EPM2A: variants seen among roughly 807,000 people sequenced by gnomAD.
EPM2A encodes the protein laforin.
Under a neutral mutation model 26.5 loss-of-function variants are expected in EPM2A, and 21 were observed. The observed-to-expected ratio is 0.79, with a 90% CI of 0.56 to 1.14. The LOEUF is 1.14. Ranked by LOEUF, EPM2A falls within the 50% of genes most tolerant of loss-of-function variation. The pLI is 0.00. For synonymous variants in EPM2A, 217 were observed against 177.6 expected (o/e 1.22, Z -1.76); for missense variants, 458 against 440.8 (o/e 1.04, Z -0.35).
chr6:145,712,017 A>G (rs1369443277), intron 1 of EPM2A, among the ~76,000 whole-genome samples: 1 of 152,184 alleles, frequency 6.6e-6, no homozygotes, highest in Admixed American at 6.6e-5. Context: ...AGCAACATGA[A>G]TTCTGCTTAA....
Position 145,582,156 on chromosome 6 carries a change from T to C in EPM2A, c.340+53089A>G, listed in dbSNP as rs144880343. On this transcript the variant is annotated intron_variant, in intron 2 of 3. Coordinates refer to the EPM2A transcript ENST00000450221. Reference sequence around the variant, plus strand: ...TTGTTGTATCCTTGTTTTCATTAGATTCAAATTTTTTTTTATTTCTGCCTT... The same window carrying C: ...TTGTTGTATCCTTGTTTTCATTAGACTCAAATTTTTTTTTATTTCTGCCTT... Among the ~76,000 whole-genome samples, 654 of 151,966 alleles carry C rather than the reference T, an allele frequency of 4.3e-3. 5 individuals are homozygous for C. Among genetic ancestry groups the C allele is most frequent in the African/African-American group, 0.014 (565 of 41,362 alleles).
intron 4 of EPM2A, among the ~76,000 whole-genome samples, chr6:145,496,574 C>T (rs1779822908): frequency 6.6e-6 from 1 of 152,112 alleles, no homozygotes; most frequent in African/African-American, 2.4e-5. Flanking sequence ...TTCAGAAAGA[C>T]AGTCTTCAGG....
intron 4 of EPM2A, among the ~76,000 whole-genome samples, chr6:145,435,583 T>C (rs1778978919): frequency 6.6e-6 from 1 of 151,856 alleles, no homozygotes; most frequent in Non-Finnish European, 1.5e-5. Flanking sequence ...TTTTTTTTAA[T>C]TTATTTTTTT....
intron 1 of EPM2A, among the ~76,000 whole-genome samples, chr6:145,722,994 C>A (rs1776018665): frequency 6.6e-6 from 1 of 152,162 alleles, no homozygotes; most frequent in African/African-American, 2.4e-5. Flanking sequence ...ATTTAAACCA[C>A]CCAGTGTGCG....
At position 145,660,529 on chromosome 6, in the gene EPM2A, C is replaced by T. The variant is rs549960559; in HGVS notation, c.477-25043G>A. Among the ~76,000 whole-genome samples the T allele has an allele frequency of 4.8e-4, 73 of 152,306 alleles. No individual in the cohort carries two copies. The South Asian group carries it at 0.012, about 25-fold the overall frequency. On this transcript the variant is annotated intron_variant, in intron 2 of 3. Coordinates refer to ENST00000367519, the MANE Select transcript of EPM2A (RefSeq NM_005670.4). Reference sequence around the variant, plus strand: ...TCAAAAAACATTTGCTGGCTGAGTGCGGTAGCTCACGCCTGTAGTCCCAGC... The same window carrying T: ...TCAAAAAACATTTGCTGGCTGAGTGTGGTAGCTCACGCCTGTAGTCCCAGC...
intron 2 of EPM2A, among the ~76,000 whole-genome samples, chr6:145,613,912 C>T (rs1775451432): frequency 6.6e-6 from 1 of 152,206 alleles, no homozygotes; most frequent in African/African-American, 2.4e-5. Context: ...CTTAAAGTCA[C>T]CAGCTACAGT....
Position 145,393,865 on chromosome 6 carries a change from C to T in EPM2A, c.556-9768G>A, listed in dbSNP as rs150950791. On this transcript the variant is annotated intron_variant, in intron 4 of 4. Transcript: ENST00000638717. The stretch of plus-strand genomic sequence containing the variant: ...TTGAGACAGAGTCTCATTCTGTTGT[C>T]CAGGCTGGAGTGCAGTGGCGTGGTC... Among the ~76,000 whole-genome samples, 31 of 150,512 alleles carry T rather than the reference C, an allele frequency of 2.1e-4. No homozygotes were observed. The East Asian group carries it at 6.1e-3, about 29-fold the overall frequency.
downstream of EPM2A, among the ~76,000 whole-genome samples, chr6:145,497,037 A>G (rs1202902684): frequency 6.6e-6 from 1 of 152,094 alleles, no homozygotes; most frequent in Non-Finnish European, 1.5e-5. Flanking sequence ...ATTCCTATCC[A>G]TATCCTGATT....
At chr6:145,531,353 T>C (rs1780353295) in intron 2 of EPM2A, among the ~76,000 whole-genome samples, 1 of 152,136 alleles carries the variant, frequency 6.6e-6, no homozygotes, top group Non-Finnish European at 1.5e-5. Context: ...CCCATTCCAT[T>C]CTTAAAAATA....
intron 4 of EPM2A, among the ~76,000 whole-genome samples, chr6:145,425,222 G>A (rs1048441649): frequency 6.6e-6 from 1 of 151,122 alleles, no homozygotes. Context: ...CGCCCAGGCT[G>A]GAGTGCAGTG....
chr6:145,660,822 T>G (rs986541436), intron 2 of EPM2A, among the ~76,000 whole-genome samples: 1 of 152,040 alleles, frequency 6.6e-6, no homozygotes, highest in African/African-American at 2.4e-5. Flanking sequence ...AATAATAAAT[T>G]TTTTAAAAAA....
At chr6:145,445,692 G>C (rs1266709361) in intron 4 of EPM2A, among the ~76,000 whole-genome samples, 1 of 152,058 alleles carries the variant, frequency 6.6e-6, no homozygotes, top group Non-Finnish European at 1.5e-5. Context: ...TTTTTTTGGA[G>C]AAGTGAGCTT....
chr6:145,710,473 AGGTGC>A (rs1300012471), intron 1 of EPM2A, among the ~76,000 whole-genome samples: 1 of 152,216 alleles, frequency 6.6e-6, no homozygotes, highest in Non-Finnish European at 1.5e-5. Context: ...AGGAAACAAC[AGGTGC>A]TGGAGAGGAT....
chr6:145,677,947 C>T (rs1025362012), intron 2 of EPM2A, among the ~76,000 whole-genome samples: 1 of 152,204 alleles, frequency 6.6e-6, no homozygotes, highest in East Asian at 1.9e-4. Context: ...TCATATGGAA[C>T]CAAAAAAGAG....
At chr6:145,644,635 G>A (rs1269361721) in intron 2 of EPM2A, among the ~76,000 whole-genome samples, 1 of 152,024 alleles carries the variant, frequency 6.6e-6, no homozygotes, top group Non-Finnish European at 1.5e-5. Flanking sequence ...TATGAGATGT[G>A]AGTAATTAGG....
Position 145,584,238 on chromosome 6 carries a change from G to A in EPM2A, c.340+51007C>T, listed in dbSNP as rs1781155962. Among the ~76,000 whole-genome samples the A allele has an allele frequency of 3.9e-5, 6 of 152,306 alleles. No individual in the cohort carries two copies. In the South Asian group the frequency reaches 1.2e-3, roughly 32 times the overall value. On this transcript the variant is annotated intron_variant, in intron 2 of 3. Coordinates refer to the EPM2A transcript ENST00000450221. ...GCTTGTTGTGTCAGTAGGGTCCAGT[G>A]TGCTGGTGCTCTCTGATGGTTAGGT... is the stretch of plus-strand genomic sequence containing the variant.
At chr6:145,627,868 T>C in intron 3 of EPM2A, 175 bp from the exon 4 acceptor site, 1 of 868,286 alleles carries the variant, frequency 1.2e-6, no homozygotes, top group Admixed American at 2.5e-5. Flanking sequence ...TACAATCTGC[T>C]AATAGCAAAG....
intron 1 of EPM2A, among the ~76,000 whole-genome samples, chr6:145,702,496 T>C (rs1349163154): frequency 6.7e-6 from 1 of 149,394 alleles, no homozygotes; most frequent in Non-Finnish European, 1.5e-5. Flanking sequence ...AAAAGAAAAA[T>C]GCCTATCTGC....
intron 2 of EPM2A, among the ~76,000 whole-genome samples, chr6:145,560,000 C>CA (rs1428632449): frequency 2.6e-5 from 4 of 152,058 alleles, no homozygotes; most frequent in Non-Finnish European, 4.4e-5. Context: ...TGAAGTTGAA[C>CA]ATGCAATAAT....
Sources: gnomAD v4.1 joint callset for allele counts (sites outside exome capture counted in the v4.1 genomes callset) on GRCh38, gnomAD v4.1.1 for gene constraint, MANE v1.5 for transcripts, NCBI Gene and HGNC (gene_info 2026-07-23, HGNC 2026-07-21) for gene names.